The following RAPGEF4 variants were observed in gnomAD, a reference collection of about 807,000 sequenced individuals.
RAPGEF4 encodes the protein RAP guanine-nucleotide-exchange factor (GEF) 4.
In RAPGEF4, 66 loss-of-function variants were observed where a neutral mutation model predicts 147.9. The ratio of observed to expected loss-of-function variants is 0.45; its 90% CI spans 0.37 to 0.55. The LOEUF is 0.55. Ranked by LOEUF, RAPGEF4 falls within the 20% of genes least tolerant of loss-of-function variation. The pLI is 0.00. For synonymous variants in RAPGEF4, 419 were observed against 442.7 expected, an observed-to-expected ratio of 0.95 and a Z score of 0.67; for missense variants, 1,071 against 1,257.3, an observed-to-expected ratio of 0.85 and a Z score of 2.24.
intron 1 of RAPGEF4, among the ~76,000 whole-genome samples, chr2:172,789,103 G>A (rs1685542152): frequency 6.6e-6 from 1 of 152,126 alleles, no homozygotes; most frequent in Non-Finnish European, 1.5e-5. Context: ...GGCAACCAGG[G>A]CAGCTGTCTT....
At chr2:172,848,297 G>A (rs959417693) in intron 4 of RAPGEF4, among the ~76,000 whole-genome samples, 6 of 151,988 alleles carry the variant, frequency 3.9e-5, no homozygotes, top group East Asian at 1.9e-4. Flanking sequence ...TTCTTCCCCC[G>A]CCAGCCCCTT....
At chr2:172,755,776 A>G (rs533607495) in intron 1 of RAPGEF4, among the ~76,000 whole-genome samples, 1 of 148,968 alleles carries the variant, frequency 6.7e-6, no homozygotes, top group Non-Finnish European at 1.5e-5. Flanking sequence ...TGTAATCTTC[A>G]CCGCCAAGGG....
intron 18 of RAPGEF4, 130 bp downstream of exon 18, chr2:173,014,744 C>T: frequency 1.1e-6 from 1 of 882,050 alleles, no homozygotes; most frequent in East Asian, 3.1e-5. Context: ...ATTCATTCAT[C>T]AGAAAGGAAC....
At chr2:172,980,890 C>A (rs1322195446) in intron 10 of RAPGEF4, among the ~76,000 whole-genome samples, 1 of 152,136 alleles carries the variant, frequency 6.6e-6, no homozygotes, top group Non-Finnish European at 1.5e-5. Flanking sequence ...TGAAGTGATC[C>A]TCCTGCCTCG....
chr2:172,969,496 C>T (rs1224191345), intron 10 of RAPGEF4, among the ~76,000 whole-genome samples: 1 of 152,200 alleles, frequency 6.6e-6, no homozygotes, highest in Non-Finnish European at 1.5e-5. Context: ...ACCACATAAG[C>T]CATCAGTAAA....
intron 1 of RAPGEF4, among the ~76,000 whole-genome samples, chr2:172,744,934 T>G (rs1216407495): frequency 6.6e-6 from 1 of 152,108 alleles, no homozygotes; most frequent in East Asian, 1.9e-4. Flanking sequence ...TAAGCCAACC[T>G]TGCCTTCCTA....
chr2:172,759,334 G>A (rs1696077970), intron 1 of RAPGEF4, among the ~76,000 whole-genome samples: 1 of 152,192 alleles, frequency 6.6e-6, no homozygotes, highest in Admixed American at 6.5e-5. Context: ...AGGTTAGAGT[G>A]AGATCATTCA....
intron 1 of RAPGEF4, among the ~76,000 whole-genome samples, chr2:172,783,214 G>T (rs191772813): frequency 6.6e-6 from 1 of 152,072 alleles, no homozygotes; most frequent in African/African-American, 2.4e-5. Flanking sequence ...TTCATCCATC[G>T]GCCGAGGACA....
chr2:172,972,088 G>A (rs1289696905), intron 10 of RAPGEF4, among the ~76,000 whole-genome samples: 1 of 151,970 alleles, frequency 6.6e-6, no homozygotes, highest in Admixed American at 6.6e-5. Context: ...AAATACTGTG[G>A]GCGGGGGTGG....
intron 4 of RAPGEF4, among the ~76,000 whole-genome samples, chr2:172,851,767 A>C (rs1012744821): frequency 3.3e-5 from 5 of 152,142 alleles, no homozygotes; most frequent in African/African-American, 1.2e-4. Flanking sequence ...GACACAAAGA[A>C]GGGAACAATA....
rs1325818306 is a variant in RAPGEF4, at chr2:173,033,779, T to G, written c.2650-135T>G. The G allele has an allele frequency of 3.8e-6, 3 of 781,814 alleles. No individual in the cohort carries two copies. In the African/African-American group the frequency reaches 5.3e-5, roughly 14 times the overall value. 48.4% of individuals were successfully genotyped at this position (781,814 alleles called of 1,614,324 possible). On this transcript the variant is annotated intron_variant, in intron 26 of 30. Coordinates refer to ENST00000397081, the MANE Select transcript of RAPGEF4 (RefSeq NM_007023.4). ...GATTATTCTCAAATGGCAAGACAGA[T>G]TACAGTCTGGCCTGTCTCAGAGATG...
chr2:172,751,422 G>A lies in RAPGEF4; in HGVS notation c.65+15374G>A, dbSNP rs78595319. Among the ~76,000 whole-genome samples, 1,504 of 152,266 alleles carry A rather than the reference G, an allele frequency of 9.9e-3. 28 individuals carry two copies. The highest frequency in any genetic ancestry group is 0.034 in the African/African-American group (1,402 of 41,546). ...TCTAGCTGGTAAGGAATACAGTGGT[G>A]ATAGAATAGGAGAAGTTAGATGGTA... On this transcript the variant is annotated intron_variant, in intron 1 of 30. Coordinates refer to ENST00000397081, the MANE Select transcript of RAPGEF4 (RefSeq NM_007023.4).
At chr2:172,772,384 T>C (rs1057050677) in intron 1 of RAPGEF4, among the ~76,000 whole-genome samples, 54 of 151,882 alleles carry the variant, frequency 3.6e-4, no homozygotes, top group African/African-American at 1.3e-3. Context: ...TGCTCTGTCA[T>C]CCAGGCTGGA....
chr2:172,739,116 A>G (rs1485059007), intron 1 of RAPGEF4, among the ~76,000 whole-genome samples: 1 of 152,214 alleles, frequency 6.6e-6, no homozygotes, highest in Non-Finnish European at 1.5e-5. Context: ...ATGAGGGTCT[A>G]CAAATACTAA....
intron 1 of RAPGEF4, among the ~76,000 whole-genome samples, chr2:172,761,325 A>G (rs1016533628): frequency 6.6e-6 from 1 of 151,956 alleles, no homozygotes; most frequent in East Asian, 1.9e-4. Flanking sequence ...AGGTTTCTCC[A>G]TGTTGGTTAG....
intron 8 of RAPGEF4, among the ~76,000 whole-genome samples, chr2:172,962,250 C>T (rs1689370996): frequency 6.6e-6 from 1 of 152,174 alleles, no homozygotes; most frequent in Admixed American, 6.5e-5. Context: ...GTGAGACTCT[C>T]TTTCCCATTT....
At chr2:172,799,374 G>A (rs1332909589) in intron 3 of RAPGEF4, among the ~76,000 whole-genome samples, 2 of 152,128 alleles carry the variant, frequency 1.3e-5, no homozygotes, top group Non-Finnish European at 2.9e-5. Flanking sequence ...CACCTGAACA[G>A]ATGCTCTTCA....
At chr2:172,986,137 A>G (rs538888774) in intron 12 of RAPGEF4, among the ~76,000 whole-genome samples, 2 of 152,382 alleles carry the variant, frequency 1.3e-5, no homozygotes, top group African/African-American at 4.8e-5. Context: ...ATCTGGCTGG[A>G]ACAAACAGGG....
chr2:172,979,175 T>C (rs2105622629), intron 10 of RAPGEF4, among the ~76,000 whole-genome samples: 1 of 152,330 alleles, frequency 6.6e-6, no homozygotes, highest in Non-Finnish European at 1.5e-5. Context: ...TGCCATGAAA[T>C]AAATGTGTCC....
Sources: allele counts gnomAD v4.1 joint callset (sites outside exome capture counted in the v4.1 genomes callset), GRCh38; gene constraint gnomAD v4.1.1; transcripts MANE v1.5; gene names NCBI Gene and HGNC (gene_info 2026-07-23, HGNC 2026-07-21).